The following CATSPERG variants were observed in gnomAD, a reference collection of about 807,000 sequenced individuals.
CATSPERG encodes catsper channel auxiliary subunit gamma, also known as cation channel sperm-associated auxiliary subunit gamma.
A neutral mutation model predicts 145.0 loss-of-function variants in CATSPERG; 115 were observed. The ratio of observed to expected loss-of-function variants is 0.79; its 90% CI spans 0.68 to 0.93. The LOEUF (loss-of-function observed/expected upper bound fraction) is 0.93. Ranked by LOEUF, CATSPERG falls within the 40% of genes least tolerant of loss-of-function variation. The pLI, the probability that CATSPERG is intolerant of heterozygous loss-of-function variation, is 0.00. For synonymous variants in CATSPERG, 588 were observed against 589.0 expected, an observed-to-expected ratio of 1.00 and a Z score of 0.02; for missense variants, 1,296 against 1,490.1, an observed-to-expected ratio of 0.87 and a Z score of 2.14.
At chr19:38,353,451 GGCTGA>G (rs1290435022) in intron 8 of CATSPERG, among the ~76,000 whole-genome samples, 11 of 152,282 alleles carry the variant, frequency 7.2e-5, no homozygotes, top group Middle Eastern at 3.4e-3. Flanking sequence ...CACTTTGGGA[GGCTGA>G]GGCAGGTAGA....
chr19:38,342,513 T>A (rs1969955878), intron 3 of CATSPERG, among the ~76,000 whole-genome samples: 1 of 147,848 alleles, frequency 6.8e-6, no homozygotes, highest in Non-Finnish European at 1.5e-5. Flanking sequence ...GGCAGGAGAA[T>A]CACTTGAACC....
chr19:38,358,763 C>T (rs1970292638), intron 13 of CATSPERG, among the ~76,000 whole-genome samples: 1 of 152,186 alleles, frequency 6.6e-6, no homozygotes. Flanking sequence ...TGTTTTAAAG[C>T]TGTGGGAGCC....
At chr19:38,343,795 G>C in intron 4 of CATSPERG, 71 bp downstream of exon 4, 1 of 1,500,438 alleles carries the variant, frequency 6.7e-7, no homozygotes, top group African/African-American at 1.4e-5. Flanking sequence ...CCTCTGTGGG[G>C]CCATGATCTG....
intron 3 of CATSPERG, among the ~76,000 whole-genome samples, chr19:38,341,937 C>T (rs956570253): frequency 2.0e-5 from 3 of 151,278 alleles, no homozygotes; most frequent in South Asian, 2.1e-4. Flanking sequence ...ATTAGCCAGG[C>T]GTGGTAGTGG....
At chr19:38,360,001 G>A in intron 14 of CATSPERG, 2 of 1,036,772 alleles carry the variant, frequency 1.9e-6, no homozygotes, top group Non-Finnish European at 2.3e-6. Context: ...CCACATGGAG[G>A]GGGACATCTT....
chr19:38,343,764 G>A, intron 4 of CATSPERG, 40 bp downstream of exon 4: 1 of 1,536,656 alleles, frequency 6.5e-7, no homozygotes, highest in East Asian at 2.4e-5. Context: ...AACCTGGCAG[G>A]GGTGTGGGGT....
Position 38,358,345 on chromosome 19 carries a change from G to C in CATSPERG, c.1366+17G>C. 1 of 1,614,182 alleles carries C rather than the reference G, an allele frequency of 6.2e-7. No individual in the cohort carries two copies. The highest frequency in any genetic ancestry group is 1.1e-5 in the South Asian group (1 of 91,086). ...TCCCTGAAGGTAGGAAGGGAAGGCAGACGTGGCCTCAGGGTGGCTGTGGGC... is the reference window on the plus strand; with the variant it reads ...TCCCTGAAGGTAGGAAGGGAAGGCACACGTGGCCTCAGGGTGGCTGTGGGC... On this transcript the variant is annotated intron_variant, in intron 12 of 28. Transcript: ENST00000409235.
intron 16 of CATSPERG, 89 bp from the exon 17 acceptor site, chr19:38,361,559 A>C: frequency 9.6e-7 from 1 of 1,037,746 alleles, no homozygotes; most frequent in Non-Finnish European, 1.4e-6. Flanking sequence ...CGATACGGGA[A>C]GTGGGTGGGG....
Position 38,343,705 on chromosome 19 carries a change from T to C in CATSPERG, c.450T>C (p.Ala150=). 6.6e-7 allele frequency: 1 copy of C among 1,514,590 alleles called. No individual in the cohort carries two copies. The highest frequency in any genetic ancestry group is 2.0e-5 in the Admixed American group (1 of 49,960). The allele number at this position is 1,514,590 out of a possible 1,614,324, so 93.8% of individuals were successfully genotyped here. The change falls in exon 4 of 29, where the codon GCT becomes GCC. Residue 150 remains alanine (A), a synonymous_variant. Transcript: ENST00000409235. ...KIEQLQIQME[A]APFRSKEPCM... ...AGCAGCTGCAGATCCAGATGGAGGC[T>C]GCCCCCTTCCGCAGCAAAGGTGGGC...
chr19:38,362,319 C>A (rs1970363453), intron 18 of CATSPERG, 47 bp downstream of exon 18: 1 of 1,612,994 alleles, frequency 6.2e-7, no homozygotes, highest in Admixed American at 1.7e-5. Flanking sequence ...CGCCCGGACA[C>A]CCCTCACCGT....
chr19:38,345,080 A>C (rs1392589612), intron 6 of CATSPERG, among the ~76,000 whole-genome samples: 1 of 149,244 alleles, frequency 6.7e-6, no homozygotes, highest in African/African-American at 2.5e-5. Context: ...CTAATTTTTA[A>C]ATTAATTATC....
intron 16 of CATSPERG, among the ~76,000 whole-genome samples, chr19:38,361,204 T>C (rs896099296): frequency 6.6e-6 from 1 of 151,764 alleles, no homozygotes; most frequent in Non-Finnish European, 1.5e-5. Flanking sequence ...TTGGGCTTCA[T>C]CTTGAGGGTC....
In CATSPERG at chr19:38,362,483, G is replaced by C; in HGVS notation, c.2265G>C (p.Pro755=). ...ACCTCGAGTCCGCGTACGAGCTGCC[G>C]GAGCGCATTTTCCTGGACAAGGGCA... ...IYNLESAYEL[P]ERIFLDKGTE... The change falls in exon 19 of 29, where the codon CCG becomes CCC. Residue 755 remains proline (P), a synonymous_variant. Coordinates refer to ENST00000409235, the MANE Select transcript of CATSPERG (RefSeq NM_021185.5). 1 of 1,613,942 alleles carries C rather than the reference G, an allele frequency of 6.2e-7. No homozygotes were observed. The highest frequency in any genetic ancestry group is 8.5e-7 in the Non-Finnish European group (1 of 1,180,038).
Position 38,359,503 on chromosome 19 carries a change from C to T in CATSPERG, c.1530C>T (p.Asp510=). 6.2e-7 allele frequency: 1 copy of T among 1,613,850 alleles called. No individual in the cohort carries two copies. Among genetic ancestry groups the T allele is most frequent in the Non-Finnish European group, 8.5e-7 (1 of 1,179,758 alleles). ...SNKENFIYLA[D]FPKELSIKYM... ...AGGAAAACTTCATCTACCTGGCAGA[C>T]TTCCCCAAGGAACTGTCCATCAAAT... is the stretch of plus-strand genomic sequence containing the variant. Residue 510 remains aspartate, a synonymous_variant, in exon 14 of 29, where the codon GAC becomes GAT. Transcript: ENST00000409235.
intron 8 of CATSPERG, among the ~76,000 whole-genome samples, chr19:38,353,534 GAAAATTAGC>G (rs1261962291): frequency 6.9e-6 from 1 of 145,386 alleles, no homozygotes; most frequent in African/African-American, 2.6e-5. Flanking sequence ...TAAAAATACA[GAAAATTAGC>G]AAAATTAGCT....
Position 38,360,648 on chromosome 19 carries a change from G to A in CATSPERG, c.1767+1G>A. On this transcript the variant is annotated splice_donor_variant, in intron 15 of 28. Coordinates refer to ENST00000409235, the MANE Select transcript of CATSPERG (RefSeq NM_021185.5). LOFTEE classifies it high-confidence loss of function. ...CTACGAAGACAGCAAACTGTACCAGGTGCCCGGTGGAGCTATGCGGGGACA... is the reference window on the plus strand; with the variant it reads ...CTACGAAGACAGCAAACTGTACCAGATGCCCGGTGGAGCTATGCGGGGACA... 2 of 1,614,214 alleles carry A rather than the reference G, an allele frequency of 1.2e-6. No homozygotes were observed. Among genetic ancestry groups the A allele is most frequent in the South Asian group, 2.2e-5 (2 of 91,088 alleles).
At position 38,369,569 on chromosome 19, in the gene CATSPERG, A is replaced by C. The variant is rs139157299; in HGVS notation, c.3021-403A>C. 782 of 294,694 alleles carry C rather than the reference A, an allele frequency of 2.7e-3. 6 individuals are homozygous for C. The highest frequency in any genetic ancestry group is 0.015 in the African/African-American group (699 of 46,118). The allele number at this position is 294,694 out of a possible 1,614,324, so 18.3% of individuals were successfully genotyped here. On this transcript the variant is annotated intron_variant, in intron 26 of 28. Transcript: ENST00000409235. ...AACCACTATGCCTGGCCTAACCTGC[A>C]TTTATTGGATAATGAATAAAGAAGG... is the stretch of plus-strand genomic sequence containing the variant.
At chr19:38,363,272 T>C (rs1458969651) in intron 20 of CATSPERG, among the ~76,000 whole-genome samples, 1 of 152,038 alleles carries the variant, frequency 6.6e-6, no homozygotes, top group East Asian at 1.9e-4. Context: ...ACTCCTGACC[T>C]CAAATAATCT....
At chr19:38,343,211 A>G (rs1187064531) in intron 3 of CATSPERG, among the ~76,000 whole-genome samples, 2 of 152,062 alleles carry the variant, frequency 1.3e-5, no homozygotes, top group Non-Finnish European at 2.9e-5. Flanking sequence ...AGTGGAAAGC[A>G]GCACCCTGGG....
Sources: allele counts gnomAD v4.1 joint callset (sites outside exome capture counted in the v4.1 genomes callset), GRCh38; gene constraint gnomAD v4.1.1; transcripts MANE v1.5; gene names NCBI Gene and HGNC (gene_info 2026-07-23, HGNC 2026-07-21).